The following CXCR1 variants were observed in gnomAD, a reference collection of about 807,000 sequenced individuals.
CXCR1 encodes C-X-C chemokine receptor type 1.
For missense variants in CXCR1, 419 were observed against 440.5 expected (o/e 0.95, Z 0.44); for synonymous variants, 180 against 184.7 (o/e 0.97, Z 0.21).
Position 218,165,048 on chromosome 2 carries a change from A to G in CXCR1, c.164T>C (p.Leu55Pro). Residue 55 changes from leucine to proline, a missense_variant, in exon 2 of 2, where the codon CTG becomes CCG. Physicochemically the swap from Leu to Pro is moderately conservative, Grantham distance 98. Coordinates refer to ENST00000295683, the MANE Select transcript of CXCR1 (RefSeq NM_000634.3). The stretch of plus-strand genomic sequence containing the variant: ...GACCAGCATCACCAGGGAGTTTCCC[A>G]GCAGGCTCAGCAGGAACACTAGGGC... Reference protein sequence around the residue: ...AYALVFLLSLLGNSLVMLVIL... With the variant: ...AYALVFLLSLPGNSLVMLVIL... 1 of 1,614,272 alleles carries G rather than the reference A, an allele frequency of 6.2e-7. No individual in the cohort carries two copies.
chr2:218,164,610 A>AC lies in CXCR1; in HGVS notation c.601dup (p.Val201GlyfsTer31). On this transcript the variant is annotated frameshift_variant, in exon 2 of 2. Coordinates refer to ENST00000295683, the MANE Select transcript of CXCR1 (RefSeq NM_000634.3). LOFTEE classifies it low-confidence loss of function (END_TRUNC). ...AAAGGTGTGAGGCAGGATCCGCAAC[A>AC]CCATCCGCCATTTTGCTGTGTCATT... The AC allele has an allele frequency of 1.2e-6, 2 of 1,614,184 alleles. No homozygotes were observed. Among genetic ancestry groups the AC allele is most frequent in the Non-Finnish European group, 1.7e-6 (2 of 1,180,034 alleles).
At chr2:218,166,014 G>A (rs938746811) in intron 1 of CXCR1, among the ~76,000 whole-genome samples, 3 of 152,180 alleles carry the variant, frequency 2.0e-5, no homozygotes, top group African/African-American at 7.2e-5. Context: ...CTGTGGGGCA[G>A]AGTGTGCTAA....
rs1691229572 is a variant in CXCR1 at position 218,163,739 on chromosome 2, C to T, written c.*420G>A. Reference sequence around the variant, plus strand: ...GGATCAGAGCACACAGAGCCACCAGCTTGGTGGCTCAACGCTTAACACTCA... The same window carrying T: ...GGATCAGAGCACACAGAGCCACCAGTTTGGTGGCTCAACGCTTAACACTCA... On this transcript the variant is annotated 3_prime_UTR_variant, in exon 2 of 2. Transcript: ENST00000295683. 4.5e-6 allele frequency: 1 copy of T among 219,994 alleles called. No individual in the cohort carries two copies. Among genetic ancestry groups the T allele is most frequent in the Non-Finnish European group, 9.6e-6 (1 of 104,286 alleles). The allele number at this position is 219,994 out of a possible 1,614,324, so 13.6% of individuals were successfully genotyped here.
rs1691222208 is a variant in CXCR1 at position 218,163,278 on chromosome 2, C to G, written c.*881G>C. ...ACTGCAGGAACAGCCAACAATGCTG[C>G]ACACACCCTTGACTCTGTCACAACC... is the stretch of plus-strand genomic sequence containing the variant. On this transcript the variant is annotated 3_prime_UTR_variant, in exon 2 of 2. Transcript: ENST00000295683. The G allele has an allele frequency of 6.5e-6, 1 of 152,748 alleles. No individual in the cohort carries two copies. The highest frequency in any genetic ancestry group is 1.5e-5 in the Non-Finnish European group (1 of 68,352). 9.5% of individuals were successfully genotyped at this position (152,748 alleles called of 1,614,324 possible).
In CXCR1 at chr2:218,164,740, GACAA is replaced by G. The variant is rs777467104; in HGVS notation, c.468_471del (p.Cys157LeufsTer8). 1.9e-6 allele frequency: 3 copies of G among 1,614,126 alleles called. No homozygotes were observed. The highest frequency in any genetic ancestry group is 2.5e-6 in the Non-Finnish European group (3 of 1,180,052). ...TTCATAGACAGTCCCCAGCAGCCAA[GACAA>G]ACAAACTTGACCAAGTGACGCTTCT... On this transcript the variant is annotated frameshift_variant, in exon 2 of 2. Coordinates refer to ENST00000295683, the MANE Select transcript of CXCR1 (RefSeq NM_000634.3). LOFTEE classifies it low-confidence loss of function (END_TRUNC).
Position 218,163,975 on chromosome 2 carries a change from T to G in CXCR1, c.*184A>C, listed in dbSNP as rs1411416855. On this transcript the variant is annotated 3_prime_UTR_variant, in exon 2 of 2. Coordinates refer to ENST00000295683, the MANE Select transcript of CXCR1 (RefSeq NM_000634.3). The stretch of plus-strand genomic sequence containing the variant: ...GCAAAGGCCGGTCCTTGGAGGTACC[T>G]CAACAGCTCCTCAGAAGGTTGGTGT... 1.5e-6 allele frequency: 1 copy of G among 688,078 alleles called. No individual in the cohort carries two copies. The highest frequency in any genetic ancestry group is 2.5e-6 in the Non-Finnish European group (1 of 397,082). The allele number at this position is 688,078 out of a possible 1,614,324, so 42.6% of individuals were successfully genotyped here.
Position 218,164,634 on chromosome 2 carries a change from T to C in CXCR1, c.578A>G (p.Asn193Ser). ...CACCATCCGCCATTTTGCTGTGTCATTTCCCAGGACCTCATAGCAAACTGG... is the reference window on the plus strand; with the variant it reads ...CACCATCCGCCATTTTGCTGTGTCACTTCCCAGGACCTCATAGCAAACTGG... ...SSPVCYEVLGNDTAKWRMVLR... is the reference protein window; with the variant it reads ...SSPVCYEVLGSDTAKWRMVLR... The change falls in exon 2 of 2, where the codon AAT becomes AGT. Residue 193 changes from asparagine to serine, a missense_variant. Asn to Ser is a conservative substitution (Grantham distance 46). Coordinates refer to ENST00000295683, the MANE Select transcript of CXCR1 (RefSeq NM_000634.3). 1.9e-6 allele frequency: 3 copies of C among 1,614,234 alleles called. No individual in the cohort carries two copies. The highest frequency in any genetic ancestry group is 1.1e-5 in the South Asian group (1 of 91,086).
Position 218,166,732 on chromosome 2 carries a change from G to T in CXCR1, c.-34+176C>A, listed in dbSNP as rs563682813. On this transcript the variant is annotated intron_variant, in intron 1 of 1. Transcript: ENST00000295683. ...AAAAGGGCAAGGTATAAAAAGAGGG[G>T]ATGAGGAGGCTGTCCTCTTCACCTG... 3.9e-5 allele frequency among the ~76,000 whole-genome samples: 6 copies of T among 152,342 alleles called. No homozygotes were observed. The East Asian group carries it at 1.2e-3, about 29-fold the overall frequency.
Position 218,165,195 on chromosome 2 carries a change from T to C in CXCR1, c.17A>G (p.Asp6Gly). The change falls in exon 2 of 2, where the codon GAT becomes GGT. Residue 6 changes from aspartate (D) to glycine (G), a missense_variant. Coordinates refer to ENST00000295683, the MANE Select transcript of CXCR1 (RefSeq NM_000634.3). MSNIT[D>G]PQMWDFDDLN... ...ATCATCAAAATCCCACATCTGTGGATCTGTAATATTTGACATGTCCTCTTC... is the reference window on the plus strand; with the variant it reads ...ATCATCAAAATCCCACATCTGTGGACCTGTAATATTTGACATGTCCTCTTC... The C allele has an allele frequency of 2.5e-6, 4 of 1,614,114 alleles. No individual in the cohort carries two copies. The highest frequency in any genetic ancestry group is 2.5e-6 in the Non-Finnish European group (3 of 1,179,984).
rs531740469 is a variant in CXCR1 at position 218,164,935 on chromosome 2, G to T, written c.277C>A (p.Pro93Thr). The T allele has an allele frequency of 5.6e-6, 9 of 1,614,266 alleles. No homozygotes were observed. The South Asian group carries it at 8.8e-5, about 16-fold the overall frequency. ...LADLLFALTLPIWAASKVNGW... is the reference protein window; with the variant it reads ...LADLLFALTLTIWAASKVNGW... ...TTCACCTTGGAGGCGGCCCAGATGGGCAAGGTCAGGGCAAAGAGTAGGTCG... is the reference window on the plus strand; with the variant it reads ...TTCACCTTGGAGGCGGCCCAGATGGTCAAGGTCAGGGCAAAGAGTAGGTCG... Residue 93 changes from proline to threonine, a missense_variant, in exon 2 of 2, where the codon CCC becomes ACC. Pro to Thr is a conservative substitution (Grantham distance 38, BLOSUM62 -1). Coordinates refer to ENST00000295683, the MANE Select transcript of CXCR1 (RefSeq NM_000634.3).
chr2:218,164,332 C>T lies in CXCR1; in HGVS notation c.880G>A (p.Gly294Arg). Reference protein sequence around the residue: ...GRALDATEILGFLHSCLNPII... With the variant: ...GRALDATEILRFLHSCLNPII... ...GGGTTGAGGCAGCTATGGAGAAATC[C>T]CAGAATCTCAGTGGCATCCAGGGCC... The change falls in exon 2 of 2, where the codon GGA becomes AGA. Residue 294 changes from glycine (G) to arginine (R), a missense_variant. Gly to Arg is a moderately radical substitution (Grantham distance 125). Transcript: ENST00000295683. 6.2e-7 allele frequency: 1 copy of T among 1,611,754 alleles called. No homozygotes were observed. The highest frequency in any genetic ancestry group is 8.5e-7 in the Non-Finnish European group (1 of 1,178,178).
At position 218,164,480 on chromosome 2, in the gene CXCR1, G is replaced by A. The variant is rs1259781925; in HGVS notation, c.732C>T (p.Ile244=). The change falls in exon 2 of 2, where the codon ATC becomes ATT. Residue 244 remains isoleucine (I), a synonymous_variant. Transcript: ENST00000295683. ...MGQKHRAMRV[I]FAVVLIFLLC... ...GCAGGAAGATGAGGACGACAGCAAA[G>A]ATGACCCTCATGGCTCGGTGCTTCT... The A allele has an allele frequency of 1.2e-5, 20 of 1,614,118 alleles. No homozygotes were observed. The highest frequency in any genetic ancestry group is 1.7e-5 in the Non-Finnish European group (20 of 1,180,050).
Position 218,164,125 on chromosome 2 carries a change from C to T in CXCR1, c.*34G>A, listed in dbSNP as rs1691234716. 13 of 1,610,532 alleles carry T rather than the reference C, an allele frequency of 8.1e-6. No individual in the cohort carries two copies. The highest frequency in any genetic ancestry group is 1.1e-5 in the Non-Finnish European group (13 of 1,179,072). On this transcript the variant is annotated 3_prime_UTR_variant, in exon 2 of 2. Transcript: ENST00000295683. Reference sequence around the variant, plus strand: ...ACCTCAGGGTGTTGGTTATTCTTTCCTTCTGAGAAGAGATATTCCTTCATC... The same window carrying T: ...ACCTCAGGGTGTTGGTTATTCTTTCTTTCTGAGAAGAGATATTCCTTCATC...
Position 218,163,984 on chromosome 2 carries a change from C to A in CXCR1, c.*175G>T, listed in dbSNP as rs1248347171. 7 of 727,278 alleles carry A rather than the reference C, an allele frequency of 9.6e-6. No individual in the cohort carries two copies. The highest frequency in any genetic ancestry group is 1.6e-5 in the South Asian group (1 of 61,898). The allele number at this position is 727,278 out of a possible 1,614,324, so 45.1% of individuals were successfully genotyped here. A position where few individuals can be genotyped will look rare whatever the true frequency, so the allele number is the denominator to read the frequency against. On this transcript the variant is annotated 3_prime_UTR_variant, in exon 2 of 2. Transcript: ENST00000295683. Reference sequence around the variant, plus strand: ...GGTCCTTGGAGGTACCTCAACAGCTCCTCAGAAGGTTGGTGTGGCCCCTGA... The same window carrying A: ...GGTCCTTGGAGGTACCTCAACAGCTACTCAGAAGGTTGGTGTGGCCCCTGA...
rs760037107 is a variant in CXCR1 at position 218,165,119 on chromosome 2, C to A, written c.93G>T (p.Met31Ile). ...PPADEDYSPCMLETETLNKYV... is the reference protein window; with the variant it reads ...PPADEDYSPCILETETLNKYV... ...ACTTGTTGAGTGTCTCAGTTTCTAG[C>A]ATACAGGGGCTGTAATCTTCATCTG... is the stretch of plus-strand genomic sequence containing the variant. The change falls in exon 2 of 2, where the codon ATG becomes ATT. Residue 31 changes from methionine to isoleucine, a missense_variant. Coordinates refer to ENST00000295683, the MANE Select transcript of CXCR1 (RefSeq NM_000634.3). 5.0e-6 allele frequency: 8 copies of A among 1,614,232 alleles called. No homozygotes were observed. The South Asian group carries it at 5.5e-5, about 11-fold the overall frequency.
At chr2:218,166,725 A>T (rs1167220007) in intron 1 of CXCR1, among the ~76,000 whole-genome samples, 183 bp downstream of exon 1, 1 of 152,206 alleles carries the variant, frequency 6.6e-6, no homozygotes. Flanking sequence ...AAGGTATAAA[A>T]AGAGGGGATG....
Position 218,165,014 on chromosome 2 carries a change from G to A in CXCR1, c.198C>T (p.Tyr66=), listed in dbSNP as rs1574553979. Residue 66 remains tyrosine (Y), a synonymous_variant, in exon 2 of 2, where the codon TAC becomes TAT. Transcript: ENST00000295683. ...GNSLVMLVIL[Y]SRVGRSVTDV... ...CAGTGACGGAGCGGCCGACCCTGCT[G>A]TATAAGATGACCAGCATCACCAGGG... is the stretch of plus-strand genomic sequence containing the variant. 2 of 1,614,264 alleles carry A rather than the reference G, an allele frequency of 1.2e-6. No individual in the cohort carries two copies. The highest frequency in any genetic ancestry group is 1.7e-6 in the Non-Finnish European group (2 of 1,180,050).
Position 218,165,116 on chromosome 2 carries a change from T to C in CXCR1, c.96A>G (p.Leu32=). The change falls in exon 2 of 2, where the codon CTA becomes CTG. Residue 32 remains leucine (L), a synonymous_variant. Transcript: ENST00000295683. ...PADEDYSPCM[L]ETETLNKYVV... ...CATACTTGTTGAGTGTCTCAGTTTC[T>C]AGCATACAGGGGCTGTAATCTTCAT... The C allele has an allele frequency of 6.2e-7, 1 of 1,614,222 alleles. No individual in the cohort carries two copies. Among genetic ancestry groups the C allele is most frequent in the Non-Finnish European group, 8.5e-7 (1 of 1,180,026 alleles).
Position 218,165,132 on chromosome 2 carries a change from T to A in CXCR1, c.80A>T (p.Tyr27Phe). 7 of 1,614,238 alleles carry A rather than the reference T, an allele frequency of 4.3e-6. No individual in the cohort carries two copies. Among genetic ancestry groups the A allele is most frequent in the Non-Finnish European group, 5.9e-6 (7 of 1,180,028 alleles). The change falls in exon 2 of 2, where the codon TAC (tyrosine) becomes TTC (phenylalanine). Residue 27 changes from tyrosine to phenylalanine, a missense_variant. Physicochemically the swap from Tyr to Phe is conservative, Grantham distance 22. Transcript: ENST00000295683. ...CTCAGTTTCTAGCATACAGGGGCTG[T>A]AATCTTCATCTGCAGGTGGCATGCC... is the stretch of plus-strand genomic sequence containing the variant. ...FTGMPPADED[Y>F]SPCMLETETL...
Sources: allele counts gnomAD v4.1 joint callset (sites outside exome capture counted in the v4.1 genomes callset), GRCh38; gene constraint gnomAD v4.1.1; transcripts MANE v1.5; gene names NCBI Gene and HGNC (gene_info 2026-07-23, HGNC 2026-07-21).